Variants in DLG2 observed in about 807,000 individuals in gnomAD.
DLG2 encodes disks large homolog 2.
DLG2 carries 45 observed loss-of-function variants against 132.5 expected under a neutral mutation model. That is an observed-to-expected ratio of 0.34 (90% CI 0.27 to 0.44). The LOEUF is 0.44. Ranked by LOEUF, DLG2 falls within the 20% of genes least tolerant of loss-of-function variation. The pLI is 1.00. For missense variants in DLG2, 1,045 were observed against 1,196.9 expected (o/e 0.87, Z 1.87); for synonymous variants, 424 against 419.6 (o/e 1.01, Z -0.13).
At chr11:84,474,692 C>A (rs971521069) in intron 7 of DLG2, among the ~76,000 whole-genome samples, 5 of 152,026 alleles carry the variant, frequency 3.3e-5, no homozygotes, top group Admixed American at 3.3e-4. Context: ...GTTGCTGTTA[C>A]TGCTGCTACT....
At chr11:85,619,451 C>T (rs2081552777) in intron 2 of DLG2, among the ~76,000 whole-genome samples, 1 of 151,910 alleles carries the variant, frequency 6.6e-6, no homozygotes, top group African/African-American at 2.4e-5. Flanking sequence ...GTTTTCCCAT[C>T]TTTCTCTAGG....
rs561833083 is a variant in DLG2, at chr11:85,062,379, C to G, written c.357+49282G>C. On this transcript the variant is annotated intron_variant, in intron 6 of 27. Transcript: ENST00000376104. ...TTATTTGTAATAGATAGACTTTAAACACTTATCTGCAAATCTGGGCTCATG... is the reference window on the plus strand; with the variant it reads ...TTATTTGTAATAGATAGACTTTAAAGACTTATCTGCAAATCTGGGCTCATG... Among the ~76,000 whole-genome samples, 6 of 151,702 alleles carry G rather than the reference C, an allele frequency of 4.0e-5. No homozygotes were observed. The East Asian group carries it at 1.2e-3, about 30-fold the overall frequency.
intron 6 of DLG2, chr11:84,720,594 C>T (rs1379376407): frequency 1.1e-5 from 6 of 536,748 alleles, no homozygotes; most frequent in East Asian, 3.0e-4. Context: ...CCCTGGGGAA[C>T]GAGGCGTGTG....
At chr11:85,464,013 C>T (rs889893364) in intron 3 of DLG2, among the ~76,000 whole-genome samples, 2 of 150,178 alleles carry the variant, frequency 1.3e-5, no homozygotes, top group African/African-American at 2.5e-5. Flanking sequence ...CATACACACA[C>T]ACACACACAC....
chr11:83,645,220 C>G (rs1433824768), intron 18 of DLG2, among the ~76,000 whole-genome samples: 1 of 152,078 alleles, frequency 6.6e-6, no homozygotes, highest in African/African-American at 2.4e-5. Context: ...CAGAAAGGAG[C>G]TGCCATTGAG....
chr11:85,317,420 A>G (rs1251719612), intron 3 of DLG2, among the ~76,000 whole-genome samples: 1 of 151,918 alleles, frequency 6.6e-6, no homozygotes, highest in African/African-American at 2.4e-5. Context: ...AAAAACATTA[A>G]TTTGCCCAGT....
intron 21 of DLG2, among the ~76,000 whole-genome samples, chr11:83,503,909 C>T (rs1311421369): frequency 6.6e-6 from 1 of 152,064 alleles, no homozygotes; most frequent in Non-Finnish European, 1.5e-5. Flanking sequence ...ATATAATCTT[C>T]AAATAAAGAC....
intron 3 of DLG2, among the ~76,000 whole-genome samples, chr11:85,317,797 A>C (rs1448434328): frequency 6.6e-6 from 1 of 151,932 alleles, no homozygotes; most frequent in African/African-American, 2.4e-5. Context: ...GGAGAAAAAT[A>C]ACTAATGAGT....
At chr11:84,737,400 T>C (rs1480080725) in intron 6 of DLG2, among the ~76,000 whole-genome samples, 1 of 151,968 alleles carries the variant, frequency 6.6e-6, no homozygotes, top group East Asian at 1.9e-4. Context: ...TTCGATATTT[T>C]AGGAATGATT....
At chr11:83,546,940 A>G (rs1398650992) in intron 19 of DLG2, among the ~76,000 whole-genome samples, 2 of 152,132 alleles carry the variant, frequency 1.3e-5, no homozygotes, top group African/African-American at 4.8e-5. Flanking sequence ...CATGCCATCT[A>G]TCAAGTGATG....
chr11:84,984,572 T>C (rs1312359159), intron 6 of DLG2, among the ~76,000 whole-genome samples: 1 of 141,514 alleles, frequency 7.1e-6, no homozygotes, highest in African/African-American at 2.7e-5. Context: ...AAAAATACAA[T>C]TGAAAAAAAA....
intron 6 of DLG2, among the ~76,000 whole-genome samples, chr11:84,932,555 C>T (rs1049993064): frequency 6.6e-6 from 1 of 152,136 alleles, no homozygotes; most frequent in African/African-American, 2.4e-5. Flanking sequence ...GTTCCCGTCC[C>T]TGTGCCCACC....
chr11:84,107,246 C>T (rs1201070818), intron 9 of DLG2, among the ~76,000 whole-genome samples: 1 of 151,652 alleles, frequency 6.6e-6, no homozygotes, highest in African/African-American at 2.4e-5. Context: ...TCTTTGAGTC[C>T]CACCATAGGT....
At chr11:83,599,475 T>C (rs2058168055) in intron 19 of DLG2, among the ~76,000 whole-genome samples, 1 of 152,210 alleles carries the variant, frequency 6.6e-6, no homozygotes. Context: ...TAATAAACAC[T>C]TACCAATCCT....
At chr11:84,253,190 G>A (rs2097414050) in intron 7 of DLG2, among the ~76,000 whole-genome samples, 1 of 151,988 alleles carries the variant, frequency 6.6e-6, no homozygotes, top group Non-Finnish European at 1.5e-5. Context: ...ATAATAAGAG[G>A]CATGTAGAGA....
intron 7 of DLG2, among the ~76,000 whole-genome samples, chr11:84,505,469 G>A (rs1486405554): frequency 2.6e-5 from 4 of 152,126 alleles, no homozygotes; most frequent in Non-Finnish European, 5.9e-5. Context: ...AAAAATCACT[G>A]CAAGTATTGA....
intron 6 of DLG2, among the ~76,000 whole-genome samples, chr11:84,721,769 T>A (rs1418413779): frequency 6.6e-6 from 1 of 152,168 alleles, no homozygotes; most frequent in African/African-American, 2.4e-5. Flanking sequence ...GTGCTAGATG[T>A]GGCTTTGTGT....
chr11:84,780,229 T>C (rs1191981500), intron 6 of DLG2, among the ~76,000 whole-genome samples: 1 of 152,050 alleles, frequency 6.6e-6, no homozygotes, highest in Non-Finnish European at 1.5e-5. Flanking sequence ...GATGGCTCAA[T>C]ATTCTCAAAT....
intron 18 of DLG2, among the ~76,000 whole-genome samples, chr11:83,785,228 G>T (rs1292819406): frequency 1.3e-5 from 2 of 151,846 alleles, no homozygotes; most frequent in African/African-American, 2.4e-5. Flanking sequence ...CTATTTTTTT[G>T]TATTTTTAGT....
Sources: allele counts gnomAD v4.1 joint callset (sites outside exome capture counted in the v4.1 genomes callset), GRCh38; gene constraint gnomAD v4.1.1; transcripts MANE v1.5; gene names NCBI Gene and HGNC (gene_info 2026-07-23, HGNC 2026-07-21).